The following PKM variants were observed in gnomAD, a reference collection of about 807,000 sequenced individuals.
PKM encodes the protein pyruvate kinase M1/2.
PKM carries 18 observed loss-of-function variants against 49.8 expected under a neutral mutation model. The ratio of observed to expected loss-of-function variants is 0.36; its 90% CI spans 0.25 to 0.54. The LOEUF is 0.54. PKM is among the 20% of genes least tolerant of loss of function. The pLI, the probability that PKM is intolerant of heterozygous loss-of-function variation, is 0.89. For missense variants in PKM, 508 were observed against 713.8 expected, an observed-to-expected ratio of 0.71 and a Z score of 3.28; for synonymous variants, 239 against 261.8, an observed-to-expected ratio of 0.91 and a Z score of 0.84.
intron 3 of PKM, among the ~76,000 whole-genome samples, chr15:72,214,814 A>G (rs2082336968): frequency 6.7e-6 from 1 of 148,408 alleles, no homozygotes; most frequent in Non-Finnish European, 1.5e-5. Context: ...AAATAAATAA[A>G]TAAATAAATC....
rs774046387 is a variant in PKM at position 72,202,386 on chromosome 15, G to C, written c.1307+68C>G. ...CCACCTGAGCATTGTTCAATGGACT[G>C]CTCCCAGGACCCCCAAGGTGAGGTA... is the stretch of plus-strand genomic sequence containing the variant. On this transcript the variant is annotated intron_variant, in intron 9 of 10. Transcript: ENST00000335181. This position sits in a 1 kb window ranked among gnomAD's most constrained non-coding sequence, Gnocchi z 4.5. The C allele has an allele frequency of 1.3e-6, 2 of 1,483,682 alleles. No homozygotes were observed. The highest frequency in any genetic ancestry group is 1.9e-6 in the Non-Finnish European group (2 of 1,078,754). The allele number at this position is 1,483,682 out of a possible 1,614,324, so 91.9% of individuals were successfully genotyped here.
At chr15:72,218,418 G>A (rs747962501) in intron 2 of PKM, among the ~76,000 whole-genome samples, 156 of 151,790 alleles carry the variant, frequency 1.0e-3, no homozygotes, top group Non-Finnish European at 2.1e-3. Flanking sequence ...GTGCCACTGC[G>A]CCCGGACAAT....
chr15:72,206,375 A>T (rs2082078570), intron 8 of PKM: 1 of 291,370 alleles, frequency 3.4e-6, no homozygotes, highest in Admixed American at 4.7e-5. Flanking sequence ...TCTGACTCTG[A>T]GGAAGAGGTA....
intron 1 of PKM, among the ~76,000 whole-genome samples, chr15:72,223,317 C>T (rs2082576883): frequency 1.3e-5 from 2 of 152,250 alleles, no homozygotes; most frequent in South Asian, 4.1e-4. Context: ...CTGCATCTGC[C>T]TAAGTCATTT....
intron 1 of PKM, chr15:72,230,819 T>A: frequency 7.7e-6 from 5 of 646,760 alleles, no homozygotes; most frequent in Non-Finnish European, 1.2e-5. Context: ...TGGAGGCGCA[T>A]TGAGGATTGG....
rs1438411666 is a variant in PKM at position 72,200,444 on chromosome 15, T to C, written c.1489+30A>G. ...ATGCTCAAGCATCCCCAAGCTCCTCTAGGCTCTAGCCCCTGCTCCAGCCAC... is the reference window on the plus strand; with the variant it reads ...ATGCTCAAGCATCCCCAAGCTCCTCCAGGCTCTAGCCCCTGCTCCAGCCAC... On this transcript the variant is annotated intron_variant, in intron 10 of 10. Coordinates refer to ENST00000335181, the MANE Select transcript of PKM (RefSeq NM_002654.6). This position sits in a 1 kb window ranked among gnomAD's most constrained non-coding sequence, Gnocchi z 4.6. 6.2e-7 allele frequency: 1 copy of C among 1,607,360 alleles called. No homozygotes were observed. Among genetic ancestry groups the C allele is most frequent in the Admixed American group, 1.7e-5 (1 of 59,996 alleles).
intron 8 of PKM, chr15:72,203,136 A>G (rs1440422068): frequency 1.2e-6 from 2 of 1,614,112 alleles, no homozygotes; most frequent in East Asian, 2.2e-5. Flanking sequence ...GGCTCGCACA[A>G]GTTCTTCAAA....
chr15:72,206,429 T>G, intron 8 of PKM: 3 of 425,542 alleles, frequency 7.0e-6, no homozygotes, highest in East Asian at 4.9e-5. Flanking sequence ...ACTTAAGCCA[T>G]GGGAAGAATT....
chr15:72,221,150 C>T (rs2082510714), intron 1 of PKM: 8 of 1,399,234 alleles, frequency 5.7e-6, no homozygotes, highest in Non-Finnish European at 7.8e-6. Flanking sequence ...GCTGGGGCCA[C>T]TGAATATCAG....
Position 72,208,664 on chromosome 15 carries a change from TG to T in PKM, c.792del (p.Asn264LysfsTer34). The T allele has an allele frequency of 6.2e-7, 1 of 1,614,140 alleles. No homozygotes were observed. Among genetic ancestry groups the T allele is most frequent in the Non-Finnish European group, 8.5e-7 (1 of 1,180,020 alleles). On this transcript the variant is annotated frameshift_variant, in exon 6 of 11. Transcript: ENST00000335181. LOFTEE classifies it high-confidence loss of function. ...TTCTCGATTTTGCTGATAATCTTGA[TG>T]TTCTTTCCCTTCTCTCCCAGGACCT... ...VRKVLGEKGK[N>X]IKIISKIENH...
intron 8 of PKM, chr15:72,203,390 C>T (rs2081995665): frequency 1.7e-6 from 1 of 598,514 alleles, no homozygotes; most frequent in Non-Finnish European, 3.0e-6. Flanking sequence ...CACTTCCCCT[C>T]CAATACAGGG....
chr15:72,211,768 C>G (rs912087676), intron 3 of PKM, among the ~76,000 whole-genome samples: 3 of 150,550 alleles, frequency 2.0e-5, no homozygotes, highest in Non-Finnish European at 4.4e-5. Context: ...ATGATCACAC[C>G]ACTGCACTCC....
At chr15:72,210,176 A>G in intron 4 of PKM, 171 bp downstream of exon 4, 1 of 805,936 alleles carries the variant, frequency 1.2e-6, no homozygotes, top group Non-Finnish European at 2.0e-6. Flanking sequence ...AGCAAAGTAG[A>G]TCAAATCAAC....
chr15:72,224,407 G>A (rs775224392), intron 1 of PKM, among the ~76,000 whole-genome samples: 4 of 152,144 alleles, frequency 2.6e-5, no homozygotes, highest in Non-Finnish European at 5.9e-5. Flanking sequence ...ATTCTAGTCG[G>A]GGGGATAAAG....
intron 3 of PKM, 26 bp from the exon 4 acceptor site, chr15:72,210,504 A>G: frequency 6.2e-7 from 1 of 1,613,872 alleles, no homozygotes; most frequent in Non-Finnish European, 8.5e-7. Context: ...GAAGATGACA[A>G]GCGTGCTCCC....
intron 1 of PKM, among the ~76,000 whole-genome samples, chr15:72,230,134 G>A (rs1263033536): frequency 6.6e-6 from 1 of 152,126 alleles, no homozygotes; most frequent in Admixed American, 6.5e-5. Flanking sequence ...GCGGCCACCC[G>A]GCAAGGGCCG....
intron 2 of PKM, 78 bp downstream of exon 2, chr15:72,218,866 C>T: frequency 6.9e-7 from 1 of 1,456,352 alleles, no homozygotes; most frequent in Non-Finnish European, 9.6e-7. Flanking sequence ...TTTGTTAGGA[C>T]ATTTAGTTAC....
At chr15:72,209,508 G>C (rs1169679737) in intron 5 of PKM, 165 bp downstream of exon 5, 1 of 600,954 alleles carries the variant, frequency 1.7e-6, no homozygotes, top group African/African-American at 2.0e-5. Context: ...AACTATGCTG[G>C]ATTAAAGCCT....
At chr15:72,230,638 AG>A in intron 1 of PKM, among the ~76,000 whole-genome samples, 1 of 152,228 alleles carries the variant, frequency 6.6e-6, no homozygotes, top group South Asian at 2.1e-4. Flanking sequence ...AGTTTCAATG[AG>A]TTACACAGAA....
Sources: allele counts gnomAD v4.1 joint callset (sites outside exome capture counted in the v4.1 genomes callset), GRCh38; gene constraint gnomAD v4.1.1; non-coding constraint Gnocchi (gnomAD v3.1); transcripts MANE v1.5; gene names NCBI Gene and HGNC (gene_info 2026-07-23, HGNC 2026-07-21).